PLCB4: variants seen among roughly 807,000 people sequenced by gnomAD.
PLCB4 encodes 1-phosphatidylinositol 4,5-bisphosphate phosphodiesterase beta-4.
In PLCB4, 77 loss-of-function variants were observed where a neutral mutation model predicts 178.8. The observed-to-expected ratio is 0.43, with a 90% CI of 0.36 to 0.52. PLCB4 has a LOEUF of 0.52. Among genes scored for constraint, PLCB4 ranks in the 20% least tolerant of loss-of-function variants. PLCB4 has a pLI of 0.00. For missense variants in PLCB4, 1,024 were observed against 1,453.4 expected (o/e 0.70, Z 4.80); for synonymous variants, 496 against 490.8 (o/e 1.01, Z -0.14).
intron 2 of PLCB4, among the ~76,000 whole-genome samples, chr20:9,180,169 C>G (rs566950194): frequency 6.6e-6 from 1 of 152,238 alleles, no homozygotes; most frequent in East Asian, 1.9e-4. Flanking sequence ...CATGTATTGT[C>G]CTAACAATCT....
At chr20:9,454,883 A>G (rs911796952) in intron 33 of PLCB4, among the ~76,000 whole-genome samples, 1 of 152,230 alleles carries the variant, frequency 6.6e-6, no homozygotes, top group Non-Finnish European at 1.5e-5. Context: ...GTTATTATGC[A>G]TCATCTGCCT....
At chr20:9,264,107 T>C (rs1252867213) in intron 3 of PLCB4, among the ~76,000 whole-genome samples, 1 of 152,190 alleles carries the variant, frequency 6.6e-6, no homozygotes. Flanking sequence ...ATTAAGTCTA[T>C]TTAGAATACA....
chr20:9,464,970 G>A (rs6039475), intron 35 of PLCB4, among the ~76,000 whole-genome samples: 75,637 of 151,926 alleles, frequency 0.5, 21,564 homozygotes, highest in African/African-American at 0.77. Context: ...CCTGGCAGAG[G>A]CACAACAAAA....
chr20:9,100,509 G>A (rs2091103145), intron 2 of PLCB4, among the ~76,000 whole-genome samples: 1 of 152,066 alleles, frequency 6.6e-6, no homozygotes, highest in African/African-American at 2.4e-5. Flanking sequence ...CCACTTAGCT[G>A]TAACACAAGG....
At chr20:9,345,050 G>T (rs1225272516) in intron 7 of PLCB4, among the ~76,000 whole-genome samples, 1 of 152,150 alleles carries the variant, frequency 6.6e-6, no homozygotes, top group African/African-American at 2.4e-5. Flanking sequence ...TTTACCCAGT[G>T]TGATGGCAGA....
intron 3 of PLCB4, among the ~76,000 whole-genome samples, chr20:9,306,425 A>G (rs2094767826): frequency 6.6e-6 from 1 of 151,724 alleles, no homozygotes; most frequent in African/African-American, 2.4e-5. Flanking sequence ...GTGGTGTTGC[A>G]TTTTTAAGAA....
In PLCB4 at chr20:9,311,326, C is replaced by T. The variant is rs137938862; in HGVS notation, c.84+3428C>T. On this transcript the variant is annotated intron_variant, in intron 4 of 39. Coordinates refer to ENST00000378473, the MANE Select transcript of PLCB4 (RefSeq NM_001377142.1). The stretch of plus-strand genomic sequence containing the variant: ...TCCTTCCCTAAACCCACTTTAACAT[C>T]AAATTCCAGAAATACAAGGATGTTG... Among the ~76,000 whole-genome samples the T allele has an allele frequency of 1.9e-3, 283 of 152,260 alleles. 3 individuals are homozygous for T. Among genetic ancestry groups the T allele is most frequent in the African/African-American group, 6.5e-3 (268 of 41,550 alleles).
chr20:9,426,657 G>A (rs1035922777), intron 28 of PLCB4, among the ~76,000 whole-genome samples: 8 of 152,000 alleles, frequency 5.3e-5, no homozygotes, highest in Non-Finnish European at 1.0e-4. Context: ...GATTACAGAC[G>A]TGAGCCACTG....
At chr20:9,167,822 A>G (rs1000716605) in intron 2 of PLCB4, among the ~76,000 whole-genome samples, 2 of 152,244 alleles carry the variant, frequency 1.3e-5, no homozygotes, top group Non-Finnish European at 2.9e-5. Flanking sequence ...CACGCCTTAA[A>G]CACATGTAGT....
intron 2 of PLCB4, among the ~76,000 whole-genome samples, chr20:9,137,508 G>T (rs1338051598): frequency 6.6e-6 from 1 of 151,816 alleles, no homozygotes; most frequent in African/African-American, 2.4e-5. Flanking sequence ...CTCTGTTTAG[G>T]TAGTGAATTG....
intron 3 of PLCB4, among the ~76,000 whole-genome samples, chr20:9,269,044 G>A (rs1447172637): frequency 6.6e-6 from 1 of 152,158 alleles, no homozygotes; most frequent in Non-Finnish European, 1.5e-5. Context: ...CAGCAATGCA[G>A]GTCACATGGG....
At chr20:9,301,796 C>T (rs1010645500) in intron 3 of PLCB4, among the ~76,000 whole-genome samples, 2 of 152,046 alleles carry the variant, frequency 1.3e-5, no homozygotes, top group East Asian at 3.9e-4. Flanking sequence ...TCTTGTCCCC[C>T]GCTTCCAAAG....
intron 32 of PLCB4, among the ~76,000 whole-genome samples, chr20:9,447,679 C>A (rs1359913904): frequency 6.6e-6 from 1 of 152,216 alleles, no homozygotes; most frequent in African/African-American, 2.4e-5. Flanking sequence ...GGCTATTCAA[C>A]AGATTAGCTT....
At chr20:9,108,991 C>T (rs1238124801) in intron 2 of PLCB4, among the ~76,000 whole-genome samples, 1 of 151,492 alleles carries the variant, frequency 6.6e-6, no homozygotes, top group East Asian at 1.9e-4. Context: ...GCCTGGTAAA[C>T]TTTATTGAGT....
chr20:9,465,204 G>A (rs139001047), intron 35 of PLCB4, among the ~76,000 whole-genome samples: 2,472 of 152,226 alleles, frequency 0.016, 55 homozygotes, highest in African/African-American at 0.057. Context: ...TATCTCAATA[G>A]ATGCAGAAAA....
At chr20:9,357,163 C>T (rs181020702) in intron 7 of PLCB4, among the ~76,000 whole-genome samples, 1 of 152,230 alleles carries the variant, frequency 6.6e-6, no homozygotes, top group East Asian at 1.9e-4. Context: ...ATTAATTGAT[C>T]TAGATTTGTG....
intron 1 of PLCB4, among the ~76,000 whole-genome samples, chr20:9,074,428 A>G (rs1264875947): frequency 6.6e-6 from 1 of 152,228 alleles, no homozygotes; most frequent in Admixed American, 6.5e-5. Context: ...AGCATGTTTA[A>G]CAAGTGCTAC....
At chr20:9,114,492 T>G (rs1159172108) in intron 2 of PLCB4, among the ~76,000 whole-genome samples, 3 of 152,180 alleles carry the variant, frequency 2.0e-5, no homozygotes, top group Non-Finnish European at 4.4e-5. Flanking sequence ...AATGATAGTC[T>G]GAGCTCACTG....
chr20:9,442,570 G>A (rs1245136979), intron 30 of PLCB4, among the ~76,000 whole-genome samples: 1 of 152,008 alleles, frequency 6.6e-6, no homozygotes, highest in Non-Finnish European at 1.5e-5. Flanking sequence ...CATCAGACTG[G>A]GTCAAACTCA....
Sources: gnomAD v4.1 joint callset for allele counts (sites outside exome capture counted in the v4.1 genomes callset) on GRCh38, gnomAD v4.1.1 for gene constraint, MANE v1.5 for transcripts, NCBI Gene and HGNC (gene_info 2026-07-23, HGNC 2026-07-21) for gene names.